Variants in SAFB observed in about 807,000 individuals in gnomAD.
The protein encoded by SAFB is scaffold attachment factor B, also known as scaffold attachment factor B1.
Under a neutral mutation model 101.6 loss-of-function variants are expected in SAFB, and 15 were observed. That is an observed-to-expected ratio of 0.15 (90% CI 0.10 to 0.23). SAFB has a LOEUF of 0.23. Among genes scored for constraint, SAFB ranks in the 10% least tolerant of loss-of-function variants. SAFB has a pLI of 1.00. For synonymous variants in SAFB, 449 were observed against 407.5 expected, an observed-to-expected ratio of 1.10 and a Z score of -1.23; for missense variants, 930 against 1,104.1, an observed-to-expected ratio of 0.84 and a Z score of 2.23.
At chr19:5,647,317 A>G (rs911827455) in intron 5 of SAFB, among the ~76,000 whole-genome samples, 16 of 152,132 alleles carry the variant, frequency 1.1e-4, no homozygotes, top group Non-Finnish European at 2.1e-4. Flanking sequence ...TGGCATAGGG[A>G]TCCATTGGCT....
chr19:5,626,632 C>A lies in SAFB; in HGVS notation c.274+143C>A, dbSNP rs555771045. On this transcript the variant is annotated intron_variant, in intron 2 of 20. Coordinates refer to ENST00000588852, the MANE Select transcript of SAFB (RefSeq NM_001201338.2). ...AGCCTTCAGCGAAGCTTTGCATTTT[C>A]TTTCAAGATCTCTCTACTGTGTTTT... is the stretch of plus-strand genomic sequence containing the variant. 3.0e-4 allele frequency: 178 copies of A among 589,680 alleles called. No homozygotes were observed. In the Middle Eastern group the frequency reaches 5.5e-3, roughly 18 times the overall value. 36.5% of individuals were successfully genotyped at this position (589,680 alleles called of 1,614,324 possible).
chr19:5,634,287 A>G (rs1034622331), intron 2 of SAFB, among the ~76,000 whole-genome samples: 1 of 152,042 alleles, frequency 6.6e-6, no homozygotes, highest in Admixed American at 6.6e-5. Flanking sequence ...AATGTGTTCC[A>G]TAATAGTCTA....
intron 4 of SAFB, among the ~76,000 whole-genome samples, chr19:5,644,486 C>T (rs987932473): frequency 7.6e-4 from 116 of 152,268 alleles, no homozygotes; most frequent in African/African-American, 2.7e-3. Context: ...CACTTAAACA[C>T]GTGTGTAGCA....
chr19:5,664,185 C>T (rs200019616), intron 16 of SAFB, 26 bp downstream of exon 16: 149 of 1,608,376 alleles, frequency 9.3e-5, no homozygotes, highest in Admixed American at 8.5e-4. Flanking sequence ...GCTGGGCGTG[C>T]GGGTTTTCTT....
Position 5,651,015 on chromosome 19 carries a change from A to T in SAFB, c.1236A>T (p.Gly412=), listed in dbSNP as rs780509558. The T allele has an allele frequency of 6.2e-7, 1 of 1,608,944 alleles. No individual in the cohort carries two copies. Among genetic ancestry groups the T allele is most frequent in the Non-Finnish European group, 8.5e-7 (1 of 1,177,356 alleles). The part of the protein sequence containing the change: ...SSCGRNFWVS[G]LSSTTRATDL... ...GTGGTAGAAATTTCTGGGTTAGTGGACTCTCTTCTACAACCAGAGCTACAG... is the reference window on the plus strand; with the variant it reads ...GTGGTAGAAATTTCTGGGTTAGTGGTCTCTCTTCTACAACCAGAGCTACAG... The change falls in exon 9 of 21, where the codon GGA becomes GGT. Residue 412 remains glycine, a synonymous_variant. Transcript: ENST00000588852.
In SAFB at chr19:5,623,234, A is replaced by G; in HGVS notation, c.29A>G (p.Asp10Gly). Residue 10 changes from aspartate (D) to glycine (G), a missense_variant, in exon 1 of 21, where the codon GAT (aspartate) becomes GGT (glycine). Transcript: ENST00000588852. ...GCGGAGACTCTGTCAGGCCTAGGTG[A>G]TTCTGGAGCGGCGGGCGCGGCGGCT... MAETLSGLG[D>G]SGAAGAAALS... 1 of 1,605,528 alleles carries G rather than the reference A, an allele frequency of 6.2e-7. No homozygotes were observed. Among genetic ancestry groups the G allele is most frequent in the African/African-American group, 1.3e-5 (1 of 74,810 alleles).
chr19:5,646,900 C>G (rs2053838795), intron 5 of SAFB, among the ~76,000 whole-genome samples: 1 of 152,202 alleles, frequency 6.6e-6, no homozygotes, highest in African/African-American at 2.4e-5. Flanking sequence ...CAGAGCCTGT[C>G]TCTGCTTCCC....
chr19:5,634,334 G>C (rs922787783), intron 2 of SAFB, among the ~76,000 whole-genome samples: 1 of 151,890 alleles, frequency 6.6e-6, no homozygotes, highest in Non-Finnish European at 1.5e-5. Context: ...AATTCTGGGC[G>C]GGGGGGAATA....
rs758543978 is a variant in SAFB, at chr19:5,638,714, C to CTTT, written c.275-2860_275-2858dup. 1.1e-3 allele frequency among the ~76,000 whole-genome samples: 124 copies of CTTT among 116,358 alleles called. 1 individual carries two copies. The highest frequency in any genetic ancestry group is 3.8e-3 in the African/African-American group (117 of 30,510). 76.3% of individuals were successfully genotyped at this position (116,358 alleles called of 152,430 possible). A position where few individuals can be genotyped will look rare whatever the true frequency, so the allele number is the denominator to read the frequency against. On this transcript the variant is annotated intron_variant, in intron 2 of 20. Transcript: ENST00000588852. Reference sequence around the variant, plus strand: ...CTTTTTTTTTATACTTAATCTTAGTCTTTTTTTTTTTTTTTTTTTTTTAAA... The same window carrying CTTT: ...CTTTTTTTTTATACTTAATCTTAGTCTTTTTTTTTTTTTTTTTTTTTTTTTAAA...
At chr19:5,641,387 C>A (rs2053710197) in intron 2 of SAFB, among the ~76,000 whole-genome samples, 1 of 151,840 alleles carries the variant, frequency 6.6e-6, no homozygotes, top group African/African-American at 2.4e-5. Context: ...ACTTCCACAG[C>A]TCAGACAAGA....
At chr19:5,656,520 C>G (rs1265817817) in intron 13 of SAFB, among the ~76,000 whole-genome samples, 1 of 151,666 alleles carries the variant, frequency 6.6e-6, no homozygotes, top group Admixed American at 6.6e-5. Context: ...AAGTGATCCA[C>G]CCGTCCCGGC....
chr19:5,643,489 G>A (rs1016817003), intron 4 of SAFB, among the ~76,000 whole-genome samples: 2 of 152,160 alleles, frequency 1.3e-5, no homozygotes, highest in African/African-American at 4.8e-5. Context: ...GATACAAATA[G>A]GGTGTGCAAT....
At chr19:5,631,354 A>G (rs1481689525) in intron 2 of SAFB, among the ~76,000 whole-genome samples, 3 of 152,200 alleles carry the variant, frequency 2.0e-5, no homozygotes, top group African/African-American at 7.2e-5. Flanking sequence ...GCCATGCAAT[A>G]CTAGCTCTTT....
chr19:5,644,121 A>T (rs1332517048), intron 4 of SAFB, among the ~76,000 whole-genome samples: 1 of 151,732 alleles, frequency 6.6e-6, no homozygotes, highest in East Asian at 1.9e-4. Flanking sequence ...TCATGGTGTA[A>T]ATGAAGTTTT....
At chr19:5,661,367 A>G (rs2054197833) in intron 14 of SAFB, 151 bp from the exon 15 acceptor site, 1 of 1,393,898 alleles carries the variant, frequency 7.2e-7, no homozygotes, top group Non-Finnish European at 9.6e-7. Context: ...GGGCCCGAGA[A>G]GCCTTCTTCC....
chr19:5,664,530 G>A (rs1293931149), intron 17 of SAFB, 91 bp downstream of exon 17: 3 of 965,172 alleles, frequency 3.1e-6, no homozygotes, highest in Non-Finnish European at 5.0e-6. Context: ...CTTTCTTTGA[G>A]CAAGAGGCAA....
chr19:5,645,646 T>G (rs570253093), intron 5 of SAFB, among the ~76,000 whole-genome samples: 1 of 152,146 alleles, frequency 6.6e-6, no homozygotes, highest in South Asian at 2.1e-4. Flanking sequence ...GTCATTAGAG[T>G]CATGTTTTGT....
chr19:5,653,499 C>A, intron 11 of SAFB, 79 bp downstream of exon 11: 2 of 1,270,940 alleles, frequency 1.6e-6, no homozygotes, highest in Non-Finnish European at 2.2e-6. Flanking sequence ...TGGAGTCGCG[C>A]TCTGTCGCCC....
chr19:5,667,261 G>A lies in SAFB; in HGVS notation c.2454-86G>A. 7.9e-7 allele frequency: 1 copy of A among 1,261,444 alleles called. No homozygotes were observed. The highest frequency in any genetic ancestry group is 1.1e-6 in the Non-Finnish European group (1 of 919,838). 78.1% of individuals were successfully genotyped at this position (1,261,444 alleles called of 1,614,324 possible). ...TGGGCACAGGGTGGGAAACACAGAGGGATTCACTCTCCAGAAGCCGCCACA... is the reference window on the plus strand; with the variant it reads ...TGGGCACAGGGTGGGAAACACAGAGAGATTCACTCTCCAGAAGCCGCCACA... On this transcript the variant is annotated intron_variant, in intron 18 of 20. Coordinates refer to ENST00000588852, the MANE Select transcript of SAFB (RefSeq NM_001201338.2). This position sits in a 1 kb window ranked among gnomAD's most constrained non-coding sequence, Gnocchi z 4.0.
Sources: gnomAD v4.1 joint callset for allele counts (sites outside exome capture counted in the v4.1 genomes callset) on GRCh38, gnomAD v4.1.1 for gene constraint, Gnocchi (gnomAD v3.1) non-coding constraint, MANE v1.5 for transcripts, NCBI Gene and HGNC (gene_info 2026-07-23, HGNC 2026-07-21) for gene names.